Variants in EPB41L5 observed in about 807,000 individuals in gnomAD.
The protein encoded by EPB41L5 is erythrocyte membrane protein band 4.1 like 5, also known as band 4.1-like protein 5.
In EPB41L5, 55 loss-of-function variants were observed where a neutral mutation model predicts 106.6. The ratio of observed to expected loss-of-function variants is 0.52; its 90% CI spans 0.42 to 0.65. The LOEUF (loss-of-function observed/expected upper bound fraction) is 0.65, where lower values mean the gene tolerates loss of function less well. Among genes scored for constraint, EPB41L5 ranks in the 30% least tolerant of loss-of-function variants. The probability of loss-of-function intolerance (pLI) is 0.00; values close to 1 mark genes in which losing one functional copy is unlikely to be tolerated. For synonymous variants in EPB41L5, 297 were observed against 306.7 expected (o/e 0.97, Z 0.33); for missense variants, 871 against 882.1 (o/e 0.99, Z 0.16).
intron 15 of EPB41L5, 95 bp from the exon 16 acceptor site, chr2:120,100,604 G>A: frequency 1.2e-6 from 1 of 868,308 alleles, no homozygotes; most frequent in Non-Finnish European, 1.9e-6. Context: ...CATTTTAATT[G>A]TTGGCTTTGT....
At chr2:120,088,837 A>G (rs1017559892) in intron 11 of EPB41L5, among the ~76,000 whole-genome samples, 1 of 152,134 alleles carries the variant, frequency 6.6e-6, no homozygotes, top group African/African-American at 2.4e-5. Context: ...CTGGTTTAGT[A>G]CTTATCTGTG....
intron 16 of EPB41L5, 34 bp from the exon 17 acceptor site, chr2:120,127,654 C>A (rs1562287): frequency 6.5e-7 from 1 of 1,527,726 alleles, no homozygotes; most frequent in Non-Finnish European, 8.9e-7. Flanking sequence ...AGTTAAATTT[C>A]TTGGTCTAAG....
chr2:120,056,503 T>C (rs1029204864), intron 3 of EPB41L5, among the ~76,000 whole-genome samples: 3 of 152,122 alleles, frequency 2.0e-5, no homozygotes, highest in African/African-American at 7.2e-5. Flanking sequence ...TTCGCCATGT[T>C]GTCCAGGCTG....
intron 2 of EPB41L5, among the ~76,000 whole-genome samples, chr2:120,037,997 A>G (rs1391353557): frequency 2.6e-5 from 4 of 152,264 alleles, no homozygotes; most frequent in Non-Finnish European, 2.9e-5. Flanking sequence ...TTTGTAGGAT[A>G]TGATAACAAA....
chr2:120,116,783 C>G (rs2105438934), intron 16 of EPB41L5, among the ~76,000 whole-genome samples: 1 of 152,212 alleles, frequency 6.6e-6, no homozygotes, highest in South Asian at 2.1e-4. Flanking sequence ...CCACCTCAGC[C>G]TCCCAAAGTG....
intron 16 of EPB41L5, among the ~76,000 whole-genome samples, chr2:120,120,198 G>T (rs1272426760): frequency 1.3e-5 from 2 of 152,134 alleles, no homozygotes; most frequent in African/African-American, 4.8e-5. Flanking sequence ...GGAGGCTGAG[G>T]TGGGTAGATC....
chr2:120,168,652 G>A (rs574663544), intron 24 of EPB41L5, among the ~76,000 whole-genome samples: 15 of 152,236 alleles, frequency 9.9e-5, no homozygotes, highest in East Asian at 1.9e-4. Context: ...AATGTGGGTC[G>A]GTTGAAATAC....
Position 120,100,291 on chromosome 2 carries a change from G to T in EPB41L5, c.1221+5G>T. ...CAAAGTAATGGCTCCCAACAGGTAA[G>T]ACAATACTAAGCTTCTAAAACACTG... On this transcript the variant is annotated splice_donor_5th_base_variant and intron_variant, in intron 15 of 24. Transcript: ENST00000263713. 1 of 1,612,412 alleles carries T rather than the reference G, an allele frequency of 6.2e-7. No individual in the cohort carries two copies.
intron 1 of EPB41L5, among the ~76,000 whole-genome samples, chr2:120,018,726 C>T (rs1017124300): frequency 2.1e-4 from 32 of 151,962 alleles, no homozygotes; most frequent in African/African-American, 5.1e-4. Context: ...AGCTCACTGC[C>T]GCTTTGACTG....
chr2:120,125,052 G>A (rs1668913622), intron 16 of EPB41L5, among the ~76,000 whole-genome samples: 1 of 152,098 alleles, frequency 6.6e-6, no homozygotes, highest in Non-Finnish European at 1.5e-5. Flanking sequence ...ATTTTTGCCT[G>A]TATCCATTAT....
chr2:120,026,773 G>A (rs1051344132), intron 2 of EPB41L5, among the ~76,000 whole-genome samples: 3 of 152,252 alleles, frequency 2.0e-5, no homozygotes, highest in African/African-American at 7.2e-5. Flanking sequence ...AGCCTTCAAA[G>A]GAGACCATCA....
chr2:120,031,981 A>T (rs766404670), intron 2 of EPB41L5, among the ~76,000 whole-genome samples: 25 of 152,032 alleles, frequency 1.6e-4, no homozygotes, highest in African/African-American at 6.0e-4. Flanking sequence ...TACAAAAAAA[A>T]TTTTTTTTAA....
intron 16 of EPB41L5, among the ~76,000 whole-genome samples, chr2:120,116,363 C>G (rs1303325299): frequency 6.6e-6 from 1 of 152,128 alleles, no homozygotes; most frequent in Non-Finnish European, 1.5e-5. Context: ...GTGCGCTTTC[C>G]TTTTCCTATA....
At chr2:120,152,415 A>T (rs963002196) in intron 20 of EPB41L5, among the ~76,000 whole-genome samples, 1 of 138,290 alleles carries the variant, frequency 7.2e-6, no homozygotes, top group Admixed American at 7.1e-5. Flanking sequence ...GTTTGATAAC[A>T]TTTTTTTTAG....
intron 3 of EPB41L5, among the ~76,000 whole-genome samples, chr2:120,047,512 G>T (rs1449476656): frequency 1.3e-5 from 2 of 151,978 alleles, no homozygotes; most frequent in Admixed American, 6.6e-5. Flanking sequence ...CATTGATTTT[G>T]TATCCTGAGA....
chr2:120,074,313 T>G, intron 5 of EPB41L5, 135 bp downstream of exon 5: 2 of 612,688 alleles, frequency 3.3e-6, no homozygotes, highest in South Asian at 5.0e-5. Flanking sequence ...AATAATAGAA[T>G]TTTATTCTGG....
At chr2:120,054,063 A>C (rs1390432970) in intron 3 of EPB41L5, among the ~76,000 whole-genome samples, 1 of 152,164 alleles carries the variant, frequency 6.6e-6, no homozygotes, top group Non-Finnish European at 1.5e-5. Flanking sequence ...CATCCTTGCC[A>C]ACTTGTGATT....
chr2:120,138,504 A>C (rs2105484502), intron 18 of EPB41L5, among the ~76,000 whole-genome samples: 1 of 152,242 alleles, frequency 6.6e-6, no homozygotes, highest in East Asian at 1.9e-4. Context: ...ATACAGATCA[A>C]CATACAAAAA....
intron 3 of EPB41L5, among the ~76,000 whole-genome samples, chr2:120,069,548 A>G (rs10197708): frequency 0.034 from 5,145 of 152,038 alleles, 287 homozygotes; most frequent in African/African-American, 0.12. Flanking sequence ...ACACTTTAAA[A>G]TTGACCACAT....
Sources: allele counts gnomAD v4.1 joint callset (sites outside exome capture counted in the v4.1 genomes callset), GRCh38; gene constraint gnomAD v4.1.1; transcripts MANE v1.5; gene names NCBI Gene and HGNC (gene_info 2026-07-23, HGNC 2026-07-21).